Variants in DCAF10 observed in about 807,000 individuals in gnomAD.
The protein encoded by DCAF10 is DDB1 and CUL4 associated factor 10.
In DCAF10, 19 loss-of-function variants were observed where a neutral mutation model predicts 51.9. The ratio of observed to expected loss-of-function variants is 0.37; its 90% confidence interval spans 0.26 to 0.54. The LOEUF is 0.54. Ranked by LOEUF, DCAF10 falls within the 20% of genes least tolerant of loss-of-function variation. The pLI is 0.87. For missense variants in DCAF10, 510 were observed against 730.6 expected, an observed-to-expected ratio of 0.70 and a Z score of 3.48; for synonymous variants, 291 against 297.1, an observed-to-expected ratio of 0.98 and a Z score of 0.21.
chr9:37,839,694 T>C (rs1379848979), intron 2 of DCAF10, among the ~76,000 whole-genome samples: 1 of 152,212 alleles, frequency 6.6e-6, no homozygotes, highest in Admixed American at 6.5e-5. Context: ...TGTGTATCTT[T>C]GCTTAGTAAC....
intron 2 of DCAF10, among the ~76,000 whole-genome samples, chr9:37,827,270 C>G (rs1829880926): frequency 6.6e-6 from 1 of 152,056 alleles, no homozygotes; most frequent in South Asian, 2.1e-4. Context: ...ACAAAGTGAC[C>G]TGGGAACCTT....
intron 2 of DCAF10, chr9:37,836,174 TAAG>T (rs1830160690): frequency 1.0e-5 from 15 of 1,440,510 alleles, no homozygotes; most frequent in Non-Finnish European, 1.5e-5. Context: ...TGCATATTTA[TAAG>T]AAGCACGGAG....
intron 1 of DCAF10, among the ~76,000 whole-genome samples, chr9:37,818,365 T>G (rs1158859742): frequency 6.6e-6 from 1 of 152,194 alleles, no homozygotes; most frequent in African/African-American, 2.4e-5. Context: ...TAGAAAAGTT[T>G]TTGGCTATTT....
At chr9:37,822,024 C>T (rs1159691348) in intron 2 of DCAF10, among the ~76,000 whole-genome samples, 1 of 152,056 alleles carries the variant, frequency 6.6e-6, no homozygotes, top group Admixed American at 6.6e-5. Flanking sequence ...AAATGCTGAA[C>T]ATCACTAATG....
rs539917893 is a variant in DCAF10, at chr9:37,866,914, T to C, written c.*5406T>C. 28 of 152,546 alleles carry C rather than the reference T, an allele frequency of 1.8e-4. No homozygotes were observed. In the South Asian group the frequency reaches 5.6e-3, roughly 30 times the overall value. 9.4% of individuals were successfully genotyped at this position (152,546 alleles called of 1,614,324 possible). On this transcript the variant is annotated 3_prime_UTR_variant, in exon 7 of 7. Coordinates refer to ENST00000377724, the MANE Select transcript of DCAF10 (RefSeq NM_024345.5). ...GAAGAGTACAGGAAAAAAATTCAGATAGACATAAGAGTATTTTGGATGCCA... is the reference window on the plus strand; with the variant it reads ...GAAGAGTACAGGAAAAAAATTCAGACAGACATAAGAGTATTTTGGATGCCA...
intron 1 of DCAF10, among the ~76,000 whole-genome samples, chr9:37,814,775 C>T (rs569829229): frequency 5.6e-4 from 86 of 152,230 alleles, no homozygotes; most frequent in African/African-American, 1.8e-3. Context: ...TAGACTAGCA[C>T]TACCAAATTT....
chr9:37,827,191 C>A (rs1289294981), intron 2 of DCAF10, among the ~76,000 whole-genome samples: 2 of 152,072 alleles, frequency 1.3e-5, no homozygotes, highest in Non-Finnish European at 2.9e-5. Flanking sequence ...GAACAAAATC[C>A]TTGCGTAAAT....
chr9:37,817,111 A>C (rs903142687), intron 1 of DCAF10, among the ~76,000 whole-genome samples: 1 of 152,218 alleles, frequency 6.6e-6, no homozygotes, highest in Non-Finnish European at 1.5e-5. Flanking sequence ...TTATAAACCA[A>C]TGTAAATAAG....
chr9:37,828,486 C>T (rs1422752792), intron 2 of DCAF10, among the ~76,000 whole-genome samples: 14 of 152,158 alleles, frequency 9.2e-5, no homozygotes, highest in Admixed American at 9.2e-4. Context: ...CAAATCTTCT[C>T]TGGAGGCAAA....
intron 2 of DCAF10, among the ~76,000 whole-genome samples, chr9:37,838,220 T>C (rs548469969): frequency 6.6e-6 from 1 of 152,256 alleles, no homozygotes; most frequent in African/African-American, 2.4e-5. Context: ...CAAAGAAATA[T>C]ATTTTTCTAA....
intron 2 of DCAF10, among the ~76,000 whole-genome samples, chr9:37,822,808 T>TA (rs913514290): frequency 6.6e-6 from 1 of 151,392 alleles, no homozygotes; most frequent in African/African-American, 2.4e-5. Flanking sequence ...AAAATAAAAC[T>TA]AAAAAAAAGT....
rs148136862 is a variant in DCAF10, at chr9:37,808,049, A to G, written c.539+6644A>G. On this transcript the variant is annotated intron_variant, in intron 1 of 6. Transcript: ENST00000377724. ...TTTTTCAAACACACAAGGAACAGTT[A>G]TAAAATTTTCACATATGAGACCACA... Among the ~76,000 whole-genome samples, 351 of 152,310 alleles carry G rather than the reference A, an allele frequency of 2.3e-3. 3 individuals are homozygous for G. Among genetic ancestry groups the G allele is most frequent in the African/African-American group, 8.2e-3 (340 of 41,568 alleles).
intron 2 of DCAF10, 50 bp from the exon 3 acceptor site, chr9:37,842,039 C>A (rs1253922917): frequency 1.3e-6 from 2 of 1,547,880 alleles, no homozygotes; most frequent in Non-Finnish European, 1.7e-6. Flanking sequence ...ATCAATTTTC[C>A]TTTAAAAAGA....
At chr9:37,849,353 T>C (rs932171998) in intron 3 of DCAF10, among the ~76,000 whole-genome samples, 1 of 152,166 alleles carries the variant, frequency 6.6e-6, no homozygotes, top group Non-Finnish European at 1.5e-5. Context: ...AAGGACCAGG[T>C]AGTACATATT....
chr9:37,808,466 T>C, intron 1 of DCAF10, among the ~76,000 whole-genome samples: 1 of 132,750 alleles, frequency 7.5e-6, no homozygotes, highest in East Asian at 2.0e-4. Context: ...TTATATATAA[T>C]ATAAAATATA....
chr9:37,815,807 A>T (rs1011393738), intron 1 of DCAF10, among the ~76,000 whole-genome samples: 6 of 152,046 alleles, frequency 3.9e-5, no homozygotes, highest in Non-Finnish European at 5.9e-5. Flanking sequence ...AGCCAAAAAA[A>T]TTTTTTTTGA....
intron 3 of DCAF10, among the ~76,000 whole-genome samples, chr9:37,842,864 C>G (rs998018004): frequency 2.6e-5 from 4 of 152,158 alleles, no homozygotes; most frequent in African/African-American, 9.7e-5. Flanking sequence ...CCAGTTATGC[C>G]TCTGTTGTGC....
At chr9:37,808,733 AAT>A (rs374077778) in intron 1 of DCAF10, among the ~76,000 whole-genome samples, 3,178 of 5,496 alleles carry the variant, frequency 0.58, 633 homozygotes, top group African/African-American at 0.61. Flanking sequence ...TATATATAAA[AAT>A]ATATAAAAAT....
rs1831156012 is a variant in DCAF10 at position 37,867,290 on chromosome 9, A to C, written c.*5782A>C. 1 of 152,160 alleles carries C rather than the reference A, an allele frequency of 6.6e-6. No homozygotes were observed. The highest frequency in any genetic ancestry group is 2.4e-5 in the African/African-American group (1 of 41,434). 9.4% of individuals were successfully genotyped at this position (152,160 alleles called of 1,614,324 possible). A position where few individuals can be genotyped will look rare whatever the true frequency, so the allele number is the denominator to read the frequency against. ...ACCCAGAGATAATAAAATAATTTTT[A>C]AAGTTTAAATCTGGTCCAAAGTCTT... On this transcript the variant is annotated 3_prime_UTR_variant, in exon 7 of 7. Transcript: ENST00000377724.
Sources: gnomAD v4.1 joint callset for allele counts (sites outside exome capture counted in the v4.1 genomes callset) on GRCh38, gnomAD v4.1.1 for gene constraint, MANE v1.5 for transcripts, NCBI Gene and HGNC (gene_info 2026-07-23, HGNC 2026-07-21) for gene names.